Variants in TTLL1 observed in about 807,000 individuals in gnomAD.
TTLL1 encodes the protein TTL family tubulin polyglutamylase complex subunit L1.
Under a neutral mutation model 47.8 loss-of-function variants are expected in TTLL1, and 33 were observed. The ratio of observed to expected loss-of-function variants is 0.69; its 90% confidence interval spans 0.52 to 0.92. The LOEUF is 0.92. Ranked by LOEUF, TTLL1 falls within the 40% of genes least tolerant of loss-of-function variation. TTLL1 has a pLI of 0.00. For missense variants in TTLL1, 488 were observed against 547.5 expected (o/e 0.89, Z 1.08); for synonymous variants, 225 against 214.1 (o/e 1.05, Z -0.45).
rs771254500 is a variant in TTLL1 at position 43,063,827 on chromosome 22, T to C, written c.733A>G (p.Ile245Val). 3.7e-6 allele frequency: 6 copies of C among 1,613,974 alleles called. No individual in the cohort carries two copies. In the Admixed American group the frequency reaches 1.0e-4, roughly 27 times the overall value. The change falls in exon 7 of 11, where the codon ATC (isoleucine) becomes GTC (valine). Residue 245 changes from isoleucine to valine, a missense_variant. Physicochemically the swap from Ile to Val is conservative, Grantham distance 29 (BLOSUM62 3). Transcript: ENST00000266254. ...NMFVHLTNVA[I>V]QKHGEDYNHI... ...GACACACTCACCCCGTGTTTCTGGA[T>C]GGCGACGTTGGTGAGATGAACGAAC... is the stretch of plus-strand genomic sequence containing the variant.
chr22:43,082,738 G>T (rs1050709768), intron 1 of TTLL1, among the ~76,000 whole-genome samples: 3 of 151,454 alleles, frequency 2.0e-5, no homozygotes, highest in Admixed American at 6.6e-5. Flanking sequence ...AACAGGCTGC[G>T]CGCGGTGGCT....
intron 1 of TTLL1, among the ~76,000 whole-genome samples, chr22:43,080,663 C>T (rs1928817098): frequency 6.6e-6 from 1 of 152,072 alleles, no homozygotes. Flanking sequence ...TGCACTGCCT[C>T]TTCTCCAACT....
chr22:43,072,191 TCG>T (rs1160461474), intron 3 of TTLL1, among the ~76,000 whole-genome samples: 1 of 150,614 alleles, frequency 6.6e-6, no homozygotes, highest in Non-Finnish European at 1.5e-5. Flanking sequence ...TCTTGCTCTG[TCG>T]CCCAGGCTGG....
chr22:43,057,956 T>A lies in TTLL1; in HGVS notation c.891+1428A>T, dbSNP rs531681079. 3.4e-3 allele frequency among the ~76,000 whole-genome samples: 496 copies of A among 147,692 alleles called. 1 individual carries two copies. Among genetic ancestry groups the A allele is most frequent in the African/African-American group, 0.012 (482 of 39,940 alleles). ...TGGAAATATATATATATATATATTT[T>A]TTTTTTTCTAGACAGTCTCACTCTG... is the stretch of plus-strand genomic sequence containing the variant. On this transcript the variant is annotated intron_variant, in intron 8 of 10. Transcript: ENST00000266254.
At chr22:43,057,375 G>A (rs1182075167) in intron 8 of TTLL1, among the ~76,000 whole-genome samples, 2 of 151,928 alleles carry the variant, frequency 1.3e-5, no homozygotes, top group Admixed American at 6.5e-5. Context: ...GTCTCAAAGT[G>A]CTGGGATTAC....
chr22:43,043,213 T>G (rs1925839784), intron 10 of TTLL1, among the ~76,000 whole-genome samples: 1 of 151,964 alleles, frequency 6.6e-6, no homozygotes, highest in African/African-American at 2.4e-5. Context: ...AGTGCTGGGA[T>G]TACAGGTATG....
intron 5 of TTLL1, 109 bp from the exon 6 acceptor site, chr22:43,064,433 TAA>T (rs1394373980): frequency 7.4e-7 from 1 of 1,358,344 alleles, no homozygotes; most frequent in Non-Finnish European, 9.9e-7. Context: ...ATTAAAAAAT[TAA>T]AGAGTTTTGG....
At chr22:43,068,690 T>C (rs2146980175) in intron 4 of TTLL1, 100 bp from the exon 5 acceptor site, 1 of 1,132,332 alleles carries the variant, frequency 8.8e-7, no homozygotes, top group Admixed American at 2.8e-5. Context: ...GTGGGCTGAG[T>C]GTCCCCCACC....
intron 9 of TTLL1, among the ~76,000 whole-genome samples, chr22:43,047,946 C>A (rs5759113): frequency 6.6e-6 from 1 of 152,026 alleles, no homozygotes; most frequent in African/African-American, 2.4e-5. Flanking sequence ...GAATTGCACA[C>A]ATCTCATTGT....
Position 43,074,196 on chromosome 22 carries a change from G to T in TTLL1, c.113+1278C>A, listed in dbSNP as rs1928324931. 2.0e-5 allele frequency among the ~76,000 whole-genome samples: 3 copies of T among 151,688 alleles called. No homozygotes were observed. In the South Asian group the frequency reaches 6.2e-4, roughly 32 times the overall value. On this transcript the variant is annotated intron_variant, in intron 3 of 10. Coordinates refer to ENST00000266254, the MANE Select transcript of TTLL1 (RefSeq NM_012263.5). ...AATCCTAGCACTTTGGGAGGCCAAG[G>T]CGGGCGGATCACCTGAGGTCGGGAG...
At chr22:43,068,691 GT>G in intron 4 of TTLL1, 101 bp from the exon 5 acceptor site, 2 of 1,079,934 alleles carry the variant, frequency 1.9e-6, no homozygotes, top group Non-Finnish European at 2.5e-6. Flanking sequence ...TGGGCTGAGT[GT>G]CCCCCACCGC....
intron 9 of TTLL1, among the ~76,000 whole-genome samples, chr22:43,049,808 T>TGTTG (rs1401918952): frequency 6.8e-6 from 1 of 146,362 alleles, no homozygotes; most frequent in African/African-American, 2.6e-5. Flanking sequence ...AAAAAAGAAT[T>TGTTG]GTTGGCTGGG....
chr22:43,052,187 G>A, intron 8 of TTLL1: 2 of 401,468 alleles, frequency 5.0e-6, no homozygotes, highest in East Asian at 1.1e-4. Flanking sequence ...TGTCATCAGA[G>A]TGAACGGATG....
intron 9 of TTLL1, among the ~76,000 whole-genome samples, chr22:43,049,341 T>G (rs1219034218): frequency 6.6e-6 from 1 of 151,632 alleles, no homozygotes; most frequent in Non-Finnish European, 1.5e-5. Context: ...CTGACCAACA[T>G]GGAGAAACCC....
intron 9 of TTLL1, among the ~76,000 whole-genome samples, chr22:43,047,318 C>G (rs1479055818): frequency 6.6e-6 from 1 of 152,160 alleles, no homozygotes; most frequent in African/African-American, 2.4e-5. Context: ...ATTAGTAAAG[C>G]AGCATTCTCA....
chr22:43,070,314 G>A, intron 3 of TTLL1: 3 of 772,212 alleles, frequency 3.9e-6, no homozygotes, highest in African/African-American at 1.9e-5. Flanking sequence ...AGAGTCTGCT[G>A]AAGGGGCAAG....
At chr22:43,046,623 G>C in intron 9 of TTLL1, 50 bp from the exon 10 acceptor site, 1 of 1,595,596 alleles carries the variant, frequency 6.3e-7, no homozygotes, top group Non-Finnish European at 8.6e-7. Flanking sequence ...CGCTCTTTTG[G>C]AATGAAAATG....
In TTLL1 at chr22:43,069,105, G is replaced by C. The variant is rs1287051284; in HGVS notation, c.323-515C>G. 2.0e-5 allele frequency among the ~76,000 whole-genome samples: 3 copies of C among 151,780 alleles called. No homozygotes were observed. In the East Asian group the frequency reaches 5.8e-4, roughly 29 times the overall value. ...CACAAAGTCCATGCTGGCTGGGTGTGGTGGCTCACGTCTATAATCCCAGCA... is the reference window on the plus strand; with the variant it reads ...CACAAAGTCCATGCTGGCTGGGTGTCGTGGCTCACGTCTATAATCCCAGCA... On this transcript the variant is annotated intron_variant, in intron 4 of 10. Transcript: ENST00000266254.
intron 9 of TTLL1, among the ~76,000 whole-genome samples, chr22:43,048,415 G>A (rs1005639158): frequency 2.0e-5 from 3 of 149,372 alleles, no homozygotes; most frequent in African/African-American, 7.4e-5. Context: ...TGGAGGGATC[G>A]CTTGAAGCTA....
Sources: allele counts gnomAD v4.1 joint callset (sites outside exome capture counted in the v4.1 genomes callset), GRCh38; gene constraint gnomAD v4.1.1; transcripts MANE v1.5; gene names NCBI Gene and HGNC (gene_info 2026-07-23, HGNC 2026-07-21).